MCC: variants seen among roughly 807,000 people sequenced by gnomAD.
MCC encodes the protein MCC regulator of Wnt signaling pathway, also known as colorectal mutant cancer protein.
Under a neutral mutation model 116.2 loss-of-function variants are expected in MCC, and 90 were observed. The observed-to-expected ratio is 0.77, with a 90% CI of 0.65 to 0.92. The LOEUF (loss-of-function observed/expected upper bound fraction) is 0.92. Among genes scored for constraint, MCC ranks in the 40% least tolerant of loss-of-function variants. The pLI is 0.00. For synonymous variants in MCC, 578 were observed against 510.5 expected (o/e 1.13, Z -1.78); for missense variants, 1,516 against 1,312.2 (o/e 1.16, Z -2.40).
intron 1 of MCC, among the ~76,000 whole-genome samples, chr5:113,458,093 G>A (rs1357045379): frequency 2.6e-5 from 4 of 152,180 alleles, no homozygotes; most frequent in Admixed American, 2.0e-4. Context: ...TGTGGGTGGG[G>A]CCAGATAAGA....
intron 8 of MCC, among the ~76,000 whole-genome samples, chr5:113,092,025 G>T (rs943514981): frequency 6.6e-6 from 1 of 152,180 alleles, no homozygotes; most frequent in African/African-American, 2.4e-5. Flanking sequence ...AACAGGGACT[G>T]ACACAGTCTC....
intron 3 of MCC, among the ~76,000 whole-genome samples, chr5:113,319,836 T>C (rs73781513): frequency 0.089 from 13,572 of 152,256 alleles, 1,422 homozygotes; most frequent in African/African-American, 0.26. Context: ...CCTCTCCCTC[T>C]TGCAAAACTT....
chr5:113,478,383 G>A (rs913180374), intron 1 of MCC, among the ~76,000 whole-genome samples: 12 of 152,172 alleles, frequency 7.9e-5, no homozygotes, highest in African/African-American at 2.4e-4. Context: ...GGTAAGAAAC[G>A]GTTGGATATT....
intron 3 of MCC, among the ~76,000 whole-genome samples, chr5:113,200,006 C>A (rs1762603696): frequency 6.6e-6 from 1 of 152,110 alleles, no homozygotes; most frequent in South Asian, 2.1e-4. Context: ...GTGTGAGACA[C>A]TAGAATGATG....
intron 3 of MCC, among the ~76,000 whole-genome samples, chr5:113,239,857 C>T (rs1175543325): frequency 1.3e-5 from 2 of 152,148 alleles, no homozygotes; most frequent in African/African-American, 2.4e-5. Context: ...TGGTTCTGGG[C>T]CAGGTCCTGT....
rs11283943 is a variant in MCC, at chr5:113,071,088, G to GCCTTGCGCTGTCTT, written c.1925+5_1925+6insAAGACAGCGCAAGG. The GCCTTGCGCTGTCTT allele has an allele frequency of 1.2e-5, 19 of 1,610,570 alleles. No homozygotes were observed. The highest frequency in any genetic ancestry group is 1.3e-5 in the Non-Finnish European group (15 of 1,178,316). ...AGTAGCTCCAAACATCCCAGTGTGT[G>GCCTTGCGCTGTCTT]CCTACCTGTACTGCAAGGCCAGCCT... On this transcript the variant is annotated splice_donor_region_variant and intron_variant, in intron 12 of 18. Transcript: ENST00000408903.
intron 3 of MCC, among the ~76,000 whole-genome samples, chr5:113,188,984 T>C (rs185254421): frequency 6.6e-6 from 1 of 152,372 alleles, no homozygotes; most frequent in Non-Finnish European, 1.5e-5. Context: ...CTTGTTACTC[T>C]GTGAGACACA....
intron 4 of MCC, 104 bp from the exon 5 acceptor site, chr5:113,143,464 G>C (rs1030723865): frequency 5.0e-6 from 6 of 1,193,524 alleles, no homozygotes; most frequent in Non-Finnish European, 7.2e-6. Context: ...CCAACACTGA[G>C]TATGCCCCAA....
chr5:113,380,391 T>C lies in MCC; in HGVS notation c.415+4577A>G, dbSNP rs149030116. Among the ~76,000 whole-genome samples, 4 of 152,354 alleles carry C rather than the reference T, an allele frequency of 2.6e-5. No individual in the cohort carries two copies. In the East Asian group the frequency reaches 7.7e-4, roughly 29 times the overall value. ...ACTCTACTTTAAAGCTTATTGTCAC[T>C]TAATTTGTCATGTGCTTATGCATCC... On this transcript the variant is annotated intron_variant, in intron 2 of 18. Coordinates refer to ENST00000408903, the MANE Select transcript of MCC (RefSeq NM_001085377.2).
intron 1 of MCC, among the ~76,000 whole-genome samples, chr5:113,429,815 A>G (rs901639621): frequency 2.0e-5 from 3 of 152,232 alleles, no homozygotes; most frequent in African/African-American, 7.2e-5. Flanking sequence ...TAAATAAGCA[A>G]ACATATAAAT....
At chr5:113,278,111 C>A (rs1262258702) in intron 3 of MCC, among the ~76,000 whole-genome samples, 1 of 152,172 alleles carries the variant, frequency 6.6e-6, no homozygotes, top group Non-Finnish European at 1.5e-5. Flanking sequence ...ACAGCCATGA[C>A]AACATGGTCT....
intron 6 of MCC, among the ~76,000 whole-genome samples, chr5:113,117,769 A>G (rs1347228708): frequency 6.6e-6 from 1 of 152,222 alleles, no homozygotes; most frequent in Non-Finnish European, 1.5e-5. Flanking sequence ...GTGTGCACAC[A>G]TCTGTGCTCT....
chr5:113,236,335 C>G (rs1764130812), intron 3 of MCC, among the ~76,000 whole-genome samples: 1 of 152,098 alleles, frequency 6.6e-6, no homozygotes, highest in Non-Finnish European at 1.5e-5. Flanking sequence ...TCAATAAATT[C>G]TAGAAATGCT....
At chr5:113,046,859 T>C (rs951823053) in intron 16 of MCC, among the ~76,000 whole-genome samples, 1 of 152,124 alleles carries the variant, frequency 6.6e-6, no homozygotes, top group African/African-American at 2.4e-5. Context: ...GGCTTCATAG[T>C]GCACTTGGCA....
At chr5:113,330,087 C>G (rs1767663086) in intron 3 of MCC, among the ~76,000 whole-genome samples, 1 of 152,176 alleles carries the variant, frequency 6.6e-6, no homozygotes, top group Admixed American at 6.5e-5. Context: ...AGTTTTGTAA[C>G]AAATAGCTGA....
intron 2 of MCC, among the ~76,000 whole-genome samples, chr5:113,378,653 C>G (rs1561544156): frequency 6.6e-6 from 1 of 152,198 alleles, no homozygotes; most frequent in African/African-American, 2.4e-5. Context: ...TAGGTCAGCT[C>G]AAAGGGATGC....
intron 3 of MCC, among the ~76,000 whole-genome samples, chr5:113,319,652 A>C (rs1306203280): frequency 2.0e-5 from 3 of 152,316 alleles, no homozygotes; most frequent in Non-Finnish European, 4.4e-5. Flanking sequence ...GGCTCAATTA[A>C]ATTTTATATA....
intron 3 of MCC, among the ~76,000 whole-genome samples, chr5:113,201,186 G>T (rs113846763): frequency 0.012 from 1,809 of 152,106 alleles, 18 homozygotes; most frequent in Non-Finnish European, 0.021. Context: ...GGGAATTTGG[G>T]ACCAGTCTGA....
At chr5:113,305,663 A>G (rs952716698) in intron 3 of MCC, among the ~76,000 whole-genome samples, 1 of 152,202 alleles carries the variant, frequency 6.6e-6, no homozygotes, top group Non-Finnish European at 1.5e-5. Context: ...TAGCTCAATG[A>G]TATGACTCCA....
Sources: gnomAD v4.1 joint callset for allele counts (sites outside exome capture counted in the v4.1 genomes callset) on GRCh38, gnomAD v4.1.1 for gene constraint, MANE v1.5 for transcripts, NCBI Gene and HGNC (gene_info 2026-07-23, HGNC 2026-07-21) for gene names.